Variants in DPT observed in about 807,000 individuals in gnomAD.
DPT encodes tyrosine-rich acidic matrix protein.
DPT carries 21 observed loss-of-function variants against 31.2 expected under a neutral mutation model. The observed-to-expected ratio is 0.67, with a 90% CI of 0.48 to 0.97. The LOEUF (loss-of-function observed/expected upper bound fraction) is 0.97, where lower values mean the gene tolerates loss of function less well. DPT is among the 50% of genes least tolerant of loss of function. The pLI is 0.00. For missense variants in DPT, 262 were observed against 258.8 expected (o/e 1.01, Z -0.08); for synonymous variants, 91 against 86.9 (o/e 1.05, Z -0.26).
At chr1:168,707,294 T>C (rs61801572) in intron 2 of DPT, among the ~76,000 whole-genome samples, 523 of 152,312 alleles carry the variant, frequency 3.4e-3, no homozygotes, top group Non-Finnish European at 6.2e-3. Context: ...CCAAAGCCTA[T>C]GAATTGTTAT....
At position 168,696,501 on chromosome 1, in the gene DPT, C is replaced by T. The variant is rs972097170; in HGVS notation, c.*48G>A. Reference sequence around the variant, plus strand: ...TGATGTTAACATATGTGGACACCCTCCTGTCCCCGGCCCCTTTCCTTTCAC... The same window carrying T: ...TGATGTTAACATATGTGGACACCCTTCTGTCCCCGGCCCCTTTCCTTTCAC... On this transcript the variant is annotated 3_prime_UTR_variant, in exon 4 of 4. Transcript: ENST00000367817. 12 of 1,470,572 alleles carry T rather than the reference C, an allele frequency of 8.2e-6. No homozygotes were observed. Among genetic ancestry groups the T allele is most frequent in the Non-Finnish European group, 1.1e-5 (12 of 1,090,248 alleles). 91.1% of individuals were successfully genotyped at this position (1,470,572 alleles called of 1,614,324 possible).
intron 1 of DPT, among the ~76,000 whole-genome samples, chr1:168,720,007 G>A (rs977879505): frequency 3.3e-5 from 5 of 152,122 alleles, no homozygotes; most frequent in Non-Finnish European, 7.3e-5. Context: ...CACCCTGAAA[G>A]CTAAAACGGA....
At chr1:168,703,217 A>T (rs1376176741) in intron 2 of DPT, among the ~76,000 whole-genome samples, 1 of 152,262 alleles carries the variant, frequency 6.6e-6, no homozygotes, top group Non-Finnish European at 1.5e-5. Flanking sequence ...ATCTACATAC[A>T]GCAACACTGC....
At chr1:168,710,745 A>G (rs1156733625) in intron 2 of DPT, among the ~76,000 whole-genome samples, 1 of 152,182 alleles carries the variant, frequency 6.6e-6, no homozygotes, top group Non-Finnish European at 1.5e-5. Context: ...TCCTGGAACC[A>G]GTCTCCAGGT....
chr1:168,706,356 T>C (rs1418202028), intron 2 of DPT, among the ~76,000 whole-genome samples: 2 of 152,230 alleles, frequency 1.3e-5, no homozygotes, highest in Non-Finnish European at 2.9e-5. Context: ...CTGTTCATGA[T>C]CAATCCTCTT....
intron 2 of DPT, among the ~76,000 whole-genome samples, chr1:168,711,010 CTTCTTCTTCTTT>C (rs1649842918): frequency 6.7e-6 from 1 of 148,476 alleles, no homozygotes; most frequent in African/African-American, 2.5e-5. Flanking sequence ...TTTTTTTTTT[CTTCTTCTTCTTT>C]TTTTTTGAGT....
intron 1 of DPT, among the ~76,000 whole-genome samples, chr1:168,728,305 TTC>T (rs1650293040): frequency 6.6e-6 from 1 of 152,232 alleles, no homozygotes; most frequent in Non-Finnish European, 1.5e-5. Context: ...AGCTATTTAA[TTC>T]CACTTTCTTT....
chr1:168,704,876 C>T (rs1163008984), intron 2 of DPT, among the ~76,000 whole-genome samples: 1 of 152,138 alleles, frequency 6.6e-6, no homozygotes, highest in Non-Finnish European at 1.5e-5. Context: ...ATTCTTGAAG[C>T]TCTAAAATTA....
intron 1 of DPT, 127 bp downstream of exon 1, chr1:168,728,743 G>C: frequency 4.3e-6 from 5 of 1,164,938 alleles, no homozygotes; most frequent in Non-Finnish European, 6.1e-6. Flanking sequence ...GCATGCAGTG[G>C]TGAGGTTTGG....
chr1:168,709,081 G>A (rs886726578), intron 2 of DPT, among the ~76,000 whole-genome samples: 3 of 152,148 alleles, frequency 2.0e-5, no homozygotes, highest in Non-Finnish European at 4.4e-5. Flanking sequence ...GAAAAGTAAA[G>A]GTTACCTAAA....
intron 2 of DPT, among the ~76,000 whole-genome samples, chr1:168,710,217 C>T (rs1244085399): frequency 6.6e-6 from 1 of 152,194 alleles, no homozygotes; most frequent in Non-Finnish European, 1.5e-5. Flanking sequence ...TCTTGTTCTG[C>T]TGCTTCTCCA....
intron 1 of DPT, among the ~76,000 whole-genome samples, chr1:168,720,393 G>A (rs140282343): frequency 1.2e-4 from 18 of 152,202 alleles, no homozygotes; most frequent in Admixed American, 3.9e-4. Context: ...GAATTACAGA[G>A]CATTTGCAAG....
chr1:168,722,849 AACACACAC>A (rs10585221), intron 1 of DPT, among the ~76,000 whole-genome samples: 79 of 149,814 alleles, frequency 5.3e-4, no homozygotes, highest in African/African-American at 1.9e-3. Flanking sequence ...CCCTCAAAGA[AACACACAC>A]ACACACACAC....
intron 1 of DPT, among the ~76,000 whole-genome samples, chr1:168,725,104 C>T (rs542914309): frequency 3.9e-4 from 59 of 152,290 alleles, no homozygotes; most frequent in African/African-American, 1.3e-3. Context: ...CTTCAATTTG[C>T]TTTAGAGTTT....
At chr1:168,697,969 A>C (rs12724957) in intron 3 of DPT, among the ~76,000 whole-genome samples, 4,282 of 152,264 alleles carry the variant, frequency 0.028, 89 homozygotes, top group African/African-American at 0.043. Context: ...GGCAAAAACG[A>C]AGAGTTTTTC....
At chr1:168,727,318 C>G (rs1027955063) in intron 1 of DPT, among the ~76,000 whole-genome samples, 4 of 152,084 alleles carry the variant, frequency 2.6e-5, no homozygotes, top group African/African-American at 9.7e-5. Flanking sequence ...TGGGATATAC[C>G]CTTGTTTTGA....
intron 1 of DPT, among the ~76,000 whole-genome samples, chr1:168,726,248 G>A (rs1230004432): frequency 6.6e-6 from 1 of 152,200 alleles, no homozygotes; most frequent in Non-Finnish European, 1.5e-5. Flanking sequence ...TCGCCTATCA[G>A]CTTTTCCCTT....
At chr1:168,711,352 C>G (rs1649856898) in intron 2 of DPT, among the ~76,000 whole-genome samples, 1 of 152,128 alleles carries the variant, frequency 6.6e-6, no homozygotes, top group Non-Finnish European at 1.5e-5. Context: ...TGAGCCTTAG[C>G]TCCTTGCCTG....
At position 168,695,859 on chromosome 1, in the gene DPT, G is replaced by A. The variant is rs564428778; in HGVS notation, c.*690C>T. ...AATCTCATTTGAGAGTGATCCTCAC[G>A]GGTTCCCCTGGCCCCTGCACTCATT... On this transcript the variant is annotated 3_prime_UTR_variant, in exon 4 of 4. Coordinates refer to ENST00000367817, the MANE Select transcript of DPT (RefSeq NM_001937.5). 11 of 263,822 alleles carry A rather than the reference G, an allele frequency of 4.2e-5. No individual in the cohort carries two copies. The South Asian group carries it at 1.5e-3, about 37-fold the overall frequency. 16.3% of individuals were successfully genotyped at this position (263,822 alleles called of 1,614,324 possible). A position where few individuals can be genotyped will look rare whatever the true frequency, so the allele number is the denominator to read the frequency against.
Sources: gnomAD v4.1 joint callset for allele counts (sites outside exome capture counted in the v4.1 genomes callset) on GRCh38, gnomAD v4.1.1 for gene constraint, MANE v1.5 for transcripts, NCBI Gene and HGNC (gene_info 2026-07-23, HGNC 2026-07-21) for gene names.